RNF150: variants seen among roughly 807,000 people sequenced by gnomAD.
RNF150 encodes the protein ring finger protein 150.
Under a neutral mutation model 39.3 loss-of-function variants are expected in RNF150, and 24 were observed. The ratio of observed to expected loss-of-function variants is 0.61; its 90% CI spans 0.44 to 0.86. RNF150 has a LOEUF of 0.86. Ranked by LOEUF, RNF150 falls within the 40% of genes least tolerant of loss-of-function variation. The pLI is 0.00. For missense variants in RNF150, 502 were observed against 587.8 expected (o/e 0.85, Z 1.51); for synonymous variants, 255 against 227.3 (o/e 1.12, Z -1.10).
rs1727274840 is a variant in RNF150 at position 141,150,282 on chromosome 4, T to G, written c.-6+62512A>C. Among the ~76,000 whole-genome samples, 4 of 152,226 alleles carry G rather than the reference T, an allele frequency of 2.6e-5. No individual in the cohort carries two copies. In the South Asian group the frequency reaches 8.3e-4, roughly 31 times the overall value. ...ATCAGATAATAGCCACTTCTTCCATTCAGTTGCCCAGGGAAAAAACCTTGG... is the reference window on the plus strand; with the variant it reads ...ATCAGATAATAGCCACTTCTTCCATGCAGTTGCCCAGGGAAAAAACCTTGG... On this transcript the variant is annotated intron_variant, in intron 1 of 7. Transcript: ENST00000420921.
intron 1 of RNF150, among the ~76,000 whole-genome samples, chr4:141,082,798 C>T (rs1328307190): frequency 2.0e-5 from 3 of 151,940 alleles, no homozygotes; most frequent in African/African-American, 4.8e-5. Flanking sequence ...CCGTTTTAGC[C>T]GGGATGGTCT....
At chr4:140,914,077 T>C (rs1730721714) in intron 5 of RNF150, among the ~76,000 whole-genome samples, 1 of 152,232 alleles carries the variant, frequency 6.6e-6, no homozygotes, top group Admixed American at 6.5e-5. Context: ...AATGTTGATC[T>C]AGCTGTTGAT....
rs1238765952 is a variant in RNF150, at chr4:141,019,055, T to C, written c.485-51182A>G. The stretch of plus-strand genomic sequence containing the variant: ...AGAAATATATATATATATATATATA[T>C]ATATATATATATATATATATATATA... On this transcript the variant is annotated intron_variant, in intron 1 of 6. Transcript: ENST00000515673. 9.2e-5 allele frequency among the ~76,000 whole-genome samples: 9 copies of C among 97,644 alleles called. 1 individual carries two copies. Among genetic ancestry groups the C allele is most frequent in the African/African-American group, 3.7e-4 (8 of 21,410 alleles). 64.1% of individuals were successfully genotyped at this position (97,644 alleles called of 152,430 possible). A position where few individuals can be genotyped will look rare whatever the true frequency, so the allele number is the denominator to read the frequency against.
At chr4:141,144,460 G>A (rs2111130547) in intron 1 of RNF150, among the ~76,000 whole-genome samples, 1 of 152,278 alleles carries the variant, frequency 6.6e-6, no homozygotes, top group South Asian at 2.1e-4. Flanking sequence ...CTGAGTTACT[G>A]TTTGCTTTTG....
At chr4:141,169,467 A>G (rs980214117) in intron 1 of RNF150, among the ~76,000 whole-genome samples, 5 of 152,138 alleles carry the variant, frequency 3.3e-5, no homozygotes, top group African/African-American at 1.2e-4. Flanking sequence ...ATACATAACT[A>G]TTTCTTAAGT....
chr4:140,876,962 C>G (rs1729180086), intron 6 of RNF150, among the ~76,000 whole-genome samples: 1 of 152,196 alleles, frequency 6.6e-6, no homozygotes, highest in Admixed American at 6.5e-5. Flanking sequence ...TAGGAAAATT[C>G]TTTCTCACCT....
intron 5 of RNF150, among the ~76,000 whole-genome samples, chr4:140,917,787 G>A (rs1182718154): frequency 6.6e-6 from 1 of 150,508 alleles, no homozygotes; most frequent in Non-Finnish European, 1.5e-5. Context: ...CCACATAGTT[G>A]GAAGTAAAGC....
At chr4:140,881,019 G>C (rs1240800295) in intron 6 of RNF150, among the ~76,000 whole-genome samples, 1 of 151,900 alleles carries the variant, frequency 6.6e-6, no homozygotes, top group African/African-American at 2.4e-5. Context: ...ATTTATATCT[G>C]CTCTAATCTT....
At chr4:141,058,608 G>C (rs1737088343) in intron 1 of RNF150, among the ~76,000 whole-genome samples, 1 of 152,082 alleles carries the variant, frequency 6.6e-6, no homozygotes, top group Non-Finnish European at 1.5e-5. Context: ...TCTGTTACTA[G>C]CAATATCACA....
intron 6 of RNF150, among the ~76,000 whole-genome samples, chr4:140,897,604 T>C (rs1450510357): frequency 6.6e-6 from 1 of 152,204 alleles, no homozygotes; most frequent in Non-Finnish European, 1.5e-5. Flanking sequence ...CTGACATGGT[T>C]CCTAGACTGC....
intron 4 of RNF150, among the ~76,000 whole-genome samples, chr4:140,927,695 C>CAGACATTAA (rs1731452031): frequency 6.8e-6 from 1 of 147,282 alleles, no homozygotes; most frequent in African/African-American, 2.5e-5. Flanking sequence ...GCCGCCCAGG[C>CAGACATTAA]TGGAGTGCAG....
intron 1 of RNF150, among the ~76,000 whole-genome samples, chr4:141,047,996 C>T (rs150204131): frequency 2.0e-3 from 305 of 152,194 alleles, no homozygotes; most frequent in Admixed American, 6.5e-3. Context: ...TTAAGAAACA[C>T]GTCTGTGAGT....
chr4:141,075,303 G>T (rs992303350), intron 1 of RNF150, among the ~76,000 whole-genome samples: 2 of 150,366 alleles, frequency 1.3e-5, no homozygotes, highest in Non-Finnish European at 3.0e-5. Flanking sequence ...CCAGTAAAAC[G>T]TTATTCACAA....
chr4:140,956,925 A>C (rs1323219734), intron 2 of RNF150, among the ~76,000 whole-genome samples: 1 of 151,496 alleles, frequency 6.6e-6, no homozygotes, highest in Non-Finnish European at 1.5e-5. Context: ...TAAAGACTTA[A>C]ACATTAGACC....
rs1204831413 is a variant in RNF150, at chr4:141,031,284, A to T, written c.485-63411T>A. Among the ~76,000 whole-genome samples, 9 of 152,150 alleles carry T rather than the reference A, an allele frequency of 5.9e-5. No individual in the cohort carries two copies. The East Asian group carries it at 1.7e-3, about 29-fold the overall frequency. On this transcript the variant is annotated intron_variant, in intron 1 of 6. Transcript: ENST00000515673. ...CAAAAGGGATTTTGAACAGTTTCAG[A>T]TGTGAAACTAATAAACTAGTAGAAG...
At chr4:141,104,200 C>G (rs1042240743) in intron 1 of RNF150, among the ~76,000 whole-genome samples, 1 of 151,990 alleles carries the variant, frequency 6.6e-6, no homozygotes, top group Non-Finnish European at 1.5e-5. Flanking sequence ...GCTCTGAACA[C>G]GAATGAAGAA....
intron 6 of RNF150, among the ~76,000 whole-genome samples, chr4:140,902,526 T>C (rs1730223259): frequency 6.6e-6 from 1 of 152,238 alleles, no homozygotes; most frequent in Non-Finnish European, 1.5e-5. Flanking sequence ...ACTAGTGAAT[T>C]AGTTATTTGA....
At chr4:141,189,240 G>A (rs1039952101) in intron 1 of RNF150, among the ~76,000 whole-genome samples, 2 of 152,210 alleles carry the variant, frequency 1.3e-5, no homozygotes, top group Non-Finnish European at 2.9e-5. Flanking sequence ...CTGCAGAACA[G>A]CATGTTGCTG....
intron 1 of RNF150, among the ~76,000 whole-genome samples, chr4:141,075,870 G>A (rs1650160475): frequency 6.6e-6 from 1 of 151,970 alleles, no homozygotes; most frequent in African/African-American, 2.4e-5. Flanking sequence ...CAGGTGACAG[G>A]TGCACCAAAG....
Sources: allele counts gnomAD v4.1 joint callset (sites outside exome capture counted in the v4.1 genomes callset), GRCh38; gene constraint gnomAD v4.1.1; transcripts MANE v1.5; gene names NCBI Gene and HGNC (gene_info 2026-07-23, HGNC 2026-07-21).